TAFA1: variants seen among roughly 807,000 people sequenced by gnomAD.
TAFA1 encodes the protein chemokine-like protein TAFA-1.
TAFA1 carries 4 observed loss-of-function variants against 18.5 expected under a neutral mutation model. The ratio of observed to expected loss-of-function variants is 0.22; its 90% CI spans 0.11 to 0.49. The LOEUF is 0.49. Among genes scored for constraint, TAFA1 ranks in the 20% least tolerant of loss-of-function variants. The pLI is 0.98. For synonymous variants in TAFA1, 56 were observed against 55.2 expected (o/e 1.01, Z -0.06); for missense variants, 147 against 169.0 (o/e 0.87, Z 0.72).
chr3:68,141,308 C>T (rs2065664698), intron 2 of TAFA1, among the ~76,000 whole-genome samples: 1 of 152,178 alleles, frequency 6.6e-6, no homozygotes. Context: ...ACAAGAATCT[C>T]CTTTCAGCCC....
chr3:68,093,801 G>C (rs1362758678), intron 2 of TAFA1, among the ~76,000 whole-genome samples: 1 of 151,980 alleles, frequency 6.6e-6, no homozygotes, highest in Non-Finnish European at 1.5e-5. Flanking sequence ...AAGAATCCAA[G>C]TTTCTTATCA....
chr3:68,181,532 TGA>T (rs1295638019), intron 2 of TAFA1, among the ~76,000 whole-genome samples: 1 of 152,222 alleles, frequency 6.6e-6, no homozygotes, highest in African/African-American at 2.4e-5. Flanking sequence ...TTAGCTGTTA[TGA>T]GAGACTGTTA....
chr3:68,187,017 C>T (rs1183798180), intron 2 of TAFA1, among the ~76,000 whole-genome samples: 4 of 151,716 alleles, frequency 2.6e-5, no homozygotes, highest in African/African-American at 9.7e-5. Context: ...GATATCCATC[C>T]CATCTTTAAG....
At chr3:68,385,002 G>A (rs1311801540) in intron 2 of TAFA1, among the ~76,000 whole-genome samples, 1 of 151,520 alleles carries the variant, frequency 6.6e-6, no homozygotes, top group Non-Finnish European at 1.5e-5. Context: ...TTTTTTGTTT[G>A]TTTTTCATTG....
At chr3:68,433,687 C>T (rs576822486) in intron 3 of TAFA1, among the ~76,000 whole-genome samples, 3 of 152,228 alleles carry the variant, frequency 2.0e-5, no homozygotes, top group African/African-American at 7.2e-5. Flanking sequence ...GTTCCAATTC[C>T]AGCTCTACTA....
At chr3:68,420,154 C>T (rs1309716790) in intron 3 of TAFA1, among the ~76,000 whole-genome samples, 1 of 152,108 alleles carries the variant, frequency 6.6e-6, no homozygotes, top group South Asian at 2.1e-4. Context: ...TGTGATTGGC[C>T]CAGCTTAGGC....
At chr3:68,526,466 C>G (rs867949116) in intron 3 of TAFA1, among the ~76,000 whole-genome samples, 1 of 152,062 alleles carries the variant, frequency 6.6e-6, no homozygotes, top group Non-Finnish European at 1.5e-5. Flanking sequence ...GAACTCAATA[C>G]CAGGAATTTT....
intron 2 of TAFA1, among the ~76,000 whole-genome samples, chr3:68,320,989 T>C (rs988875378): frequency 2.4e-4 from 36 of 152,182 alleles, no homozygotes; most frequent in African/African-American, 8.4e-4. Flanking sequence ...ACGTTTCCAC[T>C]TTTCATATAC....
chr3:68,038,511 G>A (rs1325247021), intron 2 of TAFA1, among the ~76,000 whole-genome samples: 1 of 152,124 alleles, frequency 6.6e-6, no homozygotes, highest in Non-Finnish European at 1.5e-5. Flanking sequence ...TGAATCCATA[G>A]TACATGGCAC....
chr3:68,224,833 A>T (rs1575690259), intron 2 of TAFA1, among the ~76,000 whole-genome samples: 1 of 140,620 alleles, frequency 7.1e-6, no homozygotes, highest in Admixed American at 7.3e-5. Context: ...ACGAGCCAGG[A>T]GGTGTGGGCC....
chr3:68,011,269 G>A (rs1204571879), intron 2 of TAFA1, among the ~76,000 whole-genome samples: 1 of 152,114 alleles, frequency 6.6e-6, no homozygotes, highest in Non-Finnish European at 1.5e-5. Flanking sequence ...GAAGTTTTAA[G>A]TGCCTAATGA....
intron 2 of TAFA1, among the ~76,000 whole-genome samples, chr3:68,131,685 C>G (rs897741733): frequency 1.3e-5 from 2 of 152,168 alleles, no homozygotes; most frequent in Non-Finnish European, 2.9e-5. Context: ...CTGCATACAG[C>G]CATCAGCGTT....
chr3:68,541,996 A>G (rs2106796066), intron 4 of TAFA1, among the ~76,000 whole-genome samples: 1 of 152,294 alleles, frequency 6.6e-6, no homozygotes, highest in East Asian at 1.9e-4. Flanking sequence ...GAACGTCTGG[A>G]GTAGCCCAGG....
At chr3:68,447,812 G>C (rs946031089) in intron 3 of TAFA1, among the ~76,000 whole-genome samples, 1 of 152,180 alleles carries the variant, frequency 6.6e-6, no homozygotes, top group Admixed American at 6.5e-5. Flanking sequence ...TTCTGCCTAG[G>C]AAAGCTATAT....
chr3:68,493,232 A>T (rs969412036), intron 3 of TAFA1, among the ~76,000 whole-genome samples: 1 of 152,194 alleles, frequency 6.6e-6, no homozygotes, highest in East Asian at 1.9e-4. Flanking sequence ...ATATAAGCGG[A>T]ATCATACTGT....
At chr3:68,538,648 A>G in intron 3 of TAFA1, 108 bp from the exon 4 acceptor site, 1 of 1,071,216 alleles carries the variant, frequency 9.3e-7, no homozygotes, top group Non-Finnish European at 1.4e-6. Flanking sequence ...AGGATTAAAG[A>G]GAACTTAGTG....
chr3:68,423,662 A>G (rs886789648), intron 3 of TAFA1, among the ~76,000 whole-genome samples: 5 of 152,048 alleles, frequency 3.3e-5, no homozygotes, highest in Non-Finnish European at 7.4e-5. Context: ...TTATTTTTAT[A>G]GAATGATTGA....
chr3:68,303,592 G>A (rs553139266), intron 2 of TAFA1, among the ~76,000 whole-genome samples: 2 of 152,068 alleles, frequency 1.3e-5, no homozygotes, highest in East Asian at 3.9e-4. Context: ...GAAACTACAG[G>A]CGCCCACCAC....
intron 2 of TAFA1, among the ~76,000 whole-genome samples, chr3:68,168,268 T>C (rs1333353880): frequency 6.6e-6 from 1 of 152,196 alleles, no homozygotes; most frequent in Non-Finnish European, 1.5e-5. Context: ...ACAGTGAAAC[T>C]TGATGAATAA....
Sources: gnomAD v4.1 joint callset for allele counts (sites outside exome capture counted in the v4.1 genomes callset) on GRCh38, gnomAD v4.1.1 for gene constraint, MANE v1.5 for transcripts, NCBI Gene and HGNC (gene_info 2026-07-23, HGNC 2026-07-21) for gene names.